Variants in EPHA4 observed in about 807,000 individuals in gnomAD.
EPHA4 encodes EPH receptor A4.
Under a neutral mutation model 108.3 loss-of-function variants are expected in EPHA4, and 19 were observed. The ratio of observed to expected loss-of-function variants is 0.18; its 90% CI spans 0.12 to 0.26. EPHA4 has a LOEUF of 0.26. Among genes scored for constraint, EPHA4 ranks in the 10% least tolerant of loss-of-function variants. The probability of loss-of-function intolerance (pLI) is 1.00; values close to 1 mark genes in which losing one functional copy is unlikely to be tolerated. For missense variants in EPHA4, 917 were observed against 1,254.0 expected (o/e 0.73, Z 4.06); for synonymous variants, 449 against 455.5 (o/e 0.99, Z 0.18).
intron 14 of EPHA4, among the ~76,000 whole-genome samples, chr2:221,431,064 G>A (rs1364967444): frequency 2.0e-5 from 3 of 152,100 alleles, no homozygotes; most frequent in Non-Finnish European, 4.4e-5. Context: ...TCCTCCCCCT[G>A]CTTTGGGGTA....
At chr2:221,532,263 T>C (rs915859693) in intron 3 of EPHA4, among the ~76,000 whole-genome samples, 1 of 151,950 alleles carries the variant, frequency 6.6e-6, no homozygotes, top group Non-Finnish European at 1.5e-5. Context: ...GCTGGGATTA[T>C]AGGCACGTGC....
In EPHA4 at chr2:221,571,219, GCA is replaced by G. The variant is rs1454455711; in HGVS notation, c.91+937_91+938del. Reference sequence around the variant, plus strand: ...GCACACACACCACACATGCAGACATGCACACACACGCAGACATGCACACACAC... The same window carrying G: ...GCACACACACCACACATGCAGACATGCACACACGCAGACATGCACACACAC... On this transcript the variant is annotated intron_variant, in intron 1 of 17. Transcript: ENST00000281821. The surrounding 1 kb of genome is among the most constrained non-coding windows in gnomAD (Gnocchi z 6.3). Among the ~76,000 whole-genome samples the G allele has an allele frequency of 6.7e-6, 1 of 150,288 alleles. No homozygotes were observed. Among genetic ancestry groups the G allele is most frequent in the Non-Finnish European group, 1.5e-5 (1 of 67,458 alleles).
intron 8 of EPHA4, among the ~76,000 whole-genome samples, chr2:221,452,155 C>T (rs1690806543): frequency 6.6e-6 from 1 of 152,206 alleles, no homozygotes; most frequent in African/African-American, 2.4e-5. Flanking sequence ...AGGAATCTTG[C>T]ATGCCATCAG....
At chr2:221,451,079 T>C (rs1369754636) in intron 8 of EPHA4, among the ~76,000 whole-genome samples, 1 of 152,034 alleles carries the variant, frequency 6.6e-6, no homozygotes, top group Non-Finnish European at 1.5e-5. Flanking sequence ...CTGGGTGTGG[T>C]AGTACATGCC....
intron 3 of EPHA4, among the ~76,000 whole-genome samples, chr2:221,510,700 TA>T (rs1218231143): frequency 2.0e-5 from 3 of 152,154 alleles, no homozygotes; most frequent in African/African-American, 4.8e-5. Flanking sequence ...ATTAACTCTA[TA>T]AAAAATATTA....
At chr2:221,435,376 A>C (rs1475039016) in intron 13 of EPHA4, among the ~76,000 whole-genome samples, 1 of 151,730 alleles carries the variant, frequency 6.6e-6, no homozygotes, top group Admixed American at 6.6e-5. Flanking sequence ...AACATTCACA[A>C]AGATCTATTC....
At chr2:221,467,741 G>A (rs1257375374) in intron 5 of EPHA4, among the ~76,000 whole-genome samples, 1 of 152,194 alleles carries the variant, frequency 6.6e-6, no homozygotes, top group Non-Finnish European at 1.5e-5. Flanking sequence ...TGTCTTTGCT[G>A]CAGTTCAAGT....
intron 10 of EPHA4, 51 bp from the exon 11 acceptor site, chr2:221,443,065 A>G (rs754319319): frequency 1.1e-6 from 1 of 920,864 alleles, no homozygotes; most frequent in Admixed American, 2.3e-5. Flanking sequence ...ATTCAAGATG[A>G]AAGAATAACA....
intron 11 of EPHA4, among the ~76,000 whole-genome samples, chr2:221,439,781 G>A (rs1444290242): frequency 6.6e-6 from 1 of 152,152 alleles, no homozygotes. Flanking sequence ...ACACCTCCTT[G>A]CATTTCACCA....
chr2:221,571,884 CGGGCCTCTCT>C lies in EPHA4; in HGVS notation c.91+264_91+273del, dbSNP rs1457910709. Reference sequence around the variant, plus strand: ...GTGCATCCCCTCAGGGCGCCTCGAGCGGGCCTCTCTGGCGGATGCTGATAAACTTTGGCCT... The same window carrying C: ...GTGCATCCCCTCAGGGCGCCTCGAGCGGCGGATGCTGATAAACTTTGGCCT... On this transcript the variant is annotated intron_variant, in intron 1 of 17. Coordinates refer to ENST00000281821, the MANE Select transcript of EPHA4 (RefSeq NM_004438.5). The surrounding 1 kb of genome is among the most constrained non-coding windows in gnomAD (Gnocchi z 6.3). Among the ~76,000 whole-genome samples, 4 of 152,174 alleles carry C rather than the reference CGGGCCTCTCT, an allele frequency of 2.6e-5. No homozygotes were observed. The highest frequency in any genetic ancestry group is 6.5e-5 in the Admixed American group (1 of 15,286).
chr2:221,572,623 G>A (rs1035448509), upstream of EPHA4: 1 of 166,914 alleles, frequency 6.0e-6, no homozygotes, highest in African/African-American at 2.4e-5. Flanking sequence ...AATTGACCGA[G>A]GGGAGCCAGA....
intron 3 of EPHA4, among the ~76,000 whole-genome samples, chr2:221,539,224 A>G (rs1693760220): frequency 6.6e-6 from 1 of 152,226 alleles, no homozygotes; most frequent in South Asian, 2.1e-4. Context: ...GTATTTACTT[A>G]TGACGACAAG....
chr2:221,443,038 C>T (rs761049853), intron 10 of EPHA4, 24 bp from the exon 11 acceptor site: 20 of 1,604,884 alleles, frequency 1.2e-5, no homozygotes, highest in South Asian at 3.3e-5. Flanking sequence ...AAAGAATCTA[C>T]GATGGACCAG....
chr2:221,560,033 T>C (rs911401501), intron 3 of EPHA4, among the ~76,000 whole-genome samples: 5 of 152,166 alleles, frequency 3.3e-5, no homozygotes, highest in Non-Finnish European at 7.3e-5. Flanking sequence ...GGAAGTGTAG[T>C]TCTGTCCCCA....
intron 3 of EPHA4, among the ~76,000 whole-genome samples, chr2:221,532,125 TC>T (rs199769684): frequency 0.025 from 2,637 of 105,568 alleles, 57 homozygotes; most frequent in African/African-American, 0.1. Context: ...TTCAATTTAT[TC>T]TTTTTTTTTT....
Position 221,485,539 on chromosome 2 carries a change from G to A in EPHA4, c.980-2849C>T, listed in dbSNP as rs1691951846. On this transcript the variant is annotated intron_variant, in intron 4 of 17. Coordinates refer to ENST00000281821, the MANE Select transcript of EPHA4 (RefSeq NM_004438.5). ...TGCCTCGAAATTGGAGTATAACGAA[G>A]TCATATGATAGAGGGGAAAACAAAG... Among the ~76,000 whole-genome samples the A allele has an allele frequency of 2.0e-5, 3 of 152,176 alleles. No individual in the cohort carries two copies. In the South Asian group the frequency reaches 6.2e-4, roughly 31 times the overall value.
At chr2:221,423,545 C>A (rs1315462160) in intron 17 of EPHA4, among the ~76,000 whole-genome samples, 2 of 152,092 alleles carry the variant, frequency 1.3e-5, no homozygotes, top group Non-Finnish European at 2.9e-5. Context: ...AGACGGTGAC[C>A]TTTGAATAAA....
intron 3 of EPHA4, among the ~76,000 whole-genome samples, chr2:221,511,283 T>A (rs112512827): frequency 6.6e-6 from 1 of 152,230 alleles, no homozygotes; most frequent in Non-Finnish European, 1.5e-5. Flanking sequence ...GTGGGAGAAC[T>A]GTAACCTAAC....
chr2:221,430,984 T>C (rs1690059782), intron 14 of EPHA4, among the ~76,000 whole-genome samples: 1 of 152,176 alleles, frequency 6.6e-6, no homozygotes, highest in African/African-American at 2.4e-5. Flanking sequence ...ACAGTCTCTT[T>C]GCTAATTCTA....
Sources: gnomAD v4.1 joint callset for allele counts (sites outside exome capture counted in the v4.1 genomes callset) on GRCh38, gnomAD v4.1.1 for gene constraint, Gnocchi (gnomAD v3.1) non-coding constraint, MANE v1.5 for transcripts, NCBI Gene and HGNC (gene_info 2026-07-23, HGNC 2026-07-21) for gene names.